Variants in PTPRD observed in about 807,000 individuals in gnomAD.
The protein encoded by PTPRD is protein tyrosine phosphatase receptor type D, also known as receptor-type tyrosine-protein phosphatase delta.
Under a neutral mutation model 214.5 loss-of-function variants are expected in PTPRD, and 34 were observed. The observed-to-expected ratio is 0.16, with a 90% CI of 0.12 to 0.21. The LOEUF is 0.21. PTPRD is among the 10% of genes least tolerant of loss of function. The probability of loss-of-function intolerance (pLI) is 1.00; values close to 1 mark genes in which losing one functional copy is unlikely to be tolerated. For missense variants in PTPRD, 2,545 were observed against 2,398.7 expected (o/e 1.06, Z -1.27); for synonymous variants, 1,128 against 845.7 (o/e 1.33, Z -5.79).
chr9:9,772,749 G>T (rs76474231), intron 5 of PTPRD, among the ~76,000 whole-genome samples: 191 of 145,740 alleles, frequency 1.3e-3, no homozygotes, highest in African/African-American at 4.7e-3. Context: ...ATGAGCAGGT[G>T]TGATAAAATT....
chr9:9,370,899 T>C (rs2059307522), intron 9 of PTPRD, among the ~76,000 whole-genome samples: 1 of 152,162 alleles, frequency 6.6e-6, no homozygotes, highest in Non-Finnish European at 1.5e-5. Context: ...GTTCTGTTTA[T>C]ATGCTGGATT....
At chr9:8,697,333 A>G (rs905023944) in intron 12 of PTPRD, among the ~76,000 whole-genome samples, 7 of 151,972 alleles carry the variant, frequency 4.6e-5, no homozygotes, top group African/African-American at 1.7e-4. Context: ...AATATATTTT[A>G]AAGCATTCTT....
At chr9:8,393,839 T>C (rs1041373417) in intron 36 of PTPRD, among the ~76,000 whole-genome samples, 5 of 152,166 alleles carry the variant, frequency 3.3e-5, no homozygotes, top group African/African-American at 1.2e-4. Context: ...TTAAAGTGTA[T>C]TTCCTCAGTT....
At chr9:8,352,984 G>A (rs1279938697) in intron 39 of PTPRD, among the ~76,000 whole-genome samples, 2 of 152,082 alleles carry the variant, frequency 1.3e-5, no homozygotes, top group African/African-American at 2.4e-5. Flanking sequence ...GGTGGCACAT[G>A]CCTGCAGTCC....
intron 14 of PTPRD, among the ~76,000 whole-genome samples, chr9:8,606,474 G>A (rs1194361079): frequency 6.6e-6 from 1 of 152,114 alleles, no homozygotes; most frequent in Non-Finnish European, 1.5e-5. Flanking sequence ...CTATGTGCAA[G>A]CATCAAGAAT....
intron 14 of PTPRD, among the ~76,000 whole-genome samples, chr9:8,535,589 TTTTTCTTTTAGTTATTCAGGGAA>T (rs2076736753): frequency 6.6e-6 from 1 of 151,922 alleles, no homozygotes; most frequent in Non-Finnish European, 1.5e-5. Flanking sequence ...ATGGCAGGCA[TTTTTCTTTTAGTTATTCAGGGAA>T]GGGGCATTAA....
chr9:10,048,720 T>G (rs1210780445), intron 3 of PTPRD, among the ~76,000 whole-genome samples: 1 of 152,064 alleles, frequency 6.6e-6, no homozygotes, highest in African/African-American at 2.4e-5. Context: ...TTAATCCTCT[T>G]AGCTCCTTAT....
intron 2 of PTPRD, among the ~76,000 whole-genome samples, chr9:10,411,009 T>C (rs2098428748): frequency 6.6e-6 from 1 of 151,738 alleles, no homozygotes; most frequent in African/African-American, 2.4e-5. Flanking sequence ...ATAAGAAAAT[T>C]TGAGTCAGGC....
Position 8,331,635 on chromosome 9 carries a change from G to A in PTPRD, c.5481C>T (p.Val1827=), listed in dbSNP as rs746886854. ...GEGFIDFIGQ[V]HKTKEQFGQD... ...GGCCAAACTGTTCTTTTGTTTTATG[G>A]ACTTGGCCGATGAAGTCAATAAATC... The change falls in exon 44 of 46, where the codon GTC becomes GTT. Residue 1827 remains valine (V), a synonymous_variant. Transcript: ENST00000381196. 4 of 1,613,702 alleles carry A rather than the reference G, an allele frequency of 2.5e-6. No homozygotes were observed. Among genetic ancestry groups the A allele is most frequent in the Admixed American group, 1.7e-5 (1 of 59,974 alleles).
intron 3 of PTPRD, among the ~76,000 whole-genome samples, chr9:10,169,097 A>C (rs1045821167): frequency 3.3e-5 from 5 of 152,194 alleles, no homozygotes; most frequent in Non-Finnish European, 5.9e-5. Context: ...GAAAACAGCA[A>C]TGTTACTAAT....
At chr9:9,801,996 C>T (rs146358282) in intron 5 of PTPRD, among the ~76,000 whole-genome samples, 321 of 152,100 alleles carry the variant, frequency 2.1e-3, no homozygotes, top group African/African-American at 7.4e-3. Flanking sequence ...GGATATATGG[C>T]AAGTTGGTGA....
intron 10 of PTPRD, among the ~76,000 whole-genome samples, chr9:9,040,733 A>C (rs1159218034): frequency 6.6e-6 from 1 of 152,222 alleles, no homozygotes; most frequent in East Asian, 1.9e-4. Context: ...ATATCTGTTT[A>C]AAATAAAATG....
intron 39 of PTPRD, among the ~76,000 whole-genome samples, chr9:8,367,082 G>A (rs1211871074): frequency 1.3e-5 from 2 of 152,126 alleles, no homozygotes; most frequent in Non-Finnish European, 2.9e-5. Context: ...TGGTTTGTAT[G>A]GTTGGTGACC....
chr9:10,454,576 C>A (rs2098890454), intron 2 of PTPRD, among the ~76,000 whole-genome samples: 1 of 151,648 alleles, frequency 6.6e-6, no homozygotes, highest in Non-Finnish European at 1.5e-5. Context: ...CATTACCTAG[C>A]AATCATTCTT....
intron 5 of PTPRD, among the ~76,000 whole-genome samples, chr9:9,831,817 T>A (rs2054943547): frequency 6.6e-6 from 1 of 152,022 alleles, no homozygotes; most frequent in Admixed American, 6.6e-5. Flanking sequence ...TATTTTTAGA[T>A]CAGGTTCAAT....
intron 3 of PTPRD, among the ~76,000 whole-genome samples, chr9:10,165,554 A>G (rs192212736): frequency 2.1e-3 from 320 of 151,964 alleles, no homozygotes; most frequent in Non-Finnish European, 3.7e-3. Context: ...CAATACGGCT[A>G]GTAAAATGTT....
At chr9:9,010,268 G>C (rs781634197) in intron 11 of PTPRD, among the ~76,000 whole-genome samples, 2 of 152,200 alleles carry the variant, frequency 1.3e-5, no homozygotes, top group African/African-American at 4.8e-5. Context: ...ACAATGGATA[G>C]AAATCAGACT....
intron 9 of PTPRD, among the ~76,000 whole-genome samples, chr9:9,373,938 T>C (rs1356115186): frequency 1.3e-5 from 2 of 152,068 alleles, no homozygotes; most frequent in Non-Finnish European, 2.9e-5. Flanking sequence ...TTATATATAA[T>C]GCAAATATTT....
At chr9:9,716,392 T>C (rs1409430415) in intron 7 of PTPRD, among the ~76,000 whole-genome samples, 4 of 151,768 alleles carry the variant, frequency 2.6e-5, no homozygotes, top group African/African-American at 9.7e-5. Context: ...CTGGGTCAAA[T>C]GGTATTTCTA....
Sources: gnomAD v4.1 joint callset for allele counts (sites outside exome capture counted in the v4.1 genomes callset) on GRCh38, gnomAD v4.1.1 for gene constraint, MANE v1.5 for transcripts, NCBI Gene and HGNC (gene_info 2026-07-23, HGNC 2026-07-21) for gene names.